ZMAT3: variants seen among roughly 807,000 people sequenced by gnomAD.
The protein encoded by ZMAT3 is zinc finger matrin-type protein 3.
Under a neutral mutation model 32.3 loss-of-function variants are expected in ZMAT3, and 17 were observed. That is an observed-to-expected ratio of 0.53 (90% CI 0.36 to 0.79). The LOEUF (loss-of-function observed/expected upper bound fraction) is 0.79, where lower values mean the gene tolerates loss of function less well. Among genes scored for constraint, ZMAT3 ranks in the 30% least tolerant of loss-of-function variants. ZMAT3 has a pLI of 0.00. For missense variants in ZMAT3, 329 were observed against 359.7 expected (o/e 0.91, Z 0.69); for synonymous variants, 120 against 133.1 (o/e 0.90, Z 0.68).
In ZMAT3 at chr3:179,023,237, A is replaced by C. The variant is rs1718644235; in HGVS notation, c.*1780T>G. On this transcript the variant is annotated 3_prime_UTR_variant, in exon 6 of 6. Coordinates refer to ENST00000311417, the MANE Select transcript of ZMAT3 (RefSeq NM_022470.4). ...AGTGCAGTGGCACGATTCTTGGCTG[A>C]CTGCAACCTCCACCTCCTGGGTTCA... is the stretch of plus-strand genomic sequence containing the variant. 1.3e-5 allele frequency: 2 copies of C among 150,684 alleles called. No homozygotes were observed. The highest frequency in any genetic ancestry group is 2.9e-5 in the Non-Finnish European group (2 of 67,812). 9.3% of individuals were successfully genotyped at this position (150,684 alleles called of 1,614,324 possible).
At chr3:179,066,287 G>A (rs1417240903) in intron 2 of ZMAT3, among the ~76,000 whole-genome samples, 1 of 152,112 alleles carries the variant, frequency 6.6e-6, no homozygotes, top group Non-Finnish European at 1.5e-5. Flanking sequence ...CATGTCAAGA[G>A]CTGCGAGATA....
intron 2 of ZMAT3, among the ~76,000 whole-genome samples, chr3:179,039,078 C>A (rs138079657): frequency 1.4e-4 from 22 of 152,336 alleles, no homozygotes; most frequent in African/African-American, 4.3e-4. Flanking sequence ...TGGGCAGAGC[C>A]CACCACAGCT....
At position 179,022,020 on chromosome 3, in the gene ZMAT3, T is replaced by C. The variant is rs956519790; in HGVS notation, c.*2997A>G. 1 of 152,220 alleles carries C rather than the reference T, an allele frequency of 6.6e-6. No individual in the cohort carries two copies. Among genetic ancestry groups the C allele is most frequent in the African/African-American group, 2.4e-5 (1 of 41,466 alleles). 9.4% of individuals were successfully genotyped at this position (152,220 alleles called of 1,614,324 possible). A position where few individuals can be genotyped will look rare whatever the true frequency, so the allele number is the denominator to read the frequency against. ...GAATTTAAGGAGCAAACTGAGTTAT[T>C]GTAGGCAATACGGTACTAAAGTGTC... On this transcript the variant is annotated 3_prime_UTR_variant, in exon 6 of 6. Transcript: ENST00000311417.
At chr3:179,032,344 G>T (rs1719300255) in intron 2 of ZMAT3, among the ~76,000 whole-genome samples, 1 of 151,864 alleles carries the variant, frequency 6.6e-6, no homozygotes, top group Non-Finnish European at 1.5e-5. Context: ...CGTGATCTCG[G>T]CTTGCTACAA....
intron 2 of ZMAT3, among the ~76,000 whole-genome samples, chr3:179,051,340 AC>A (rs1470846706): frequency 5.3e-5 from 8 of 152,002 alleles, no homozygotes; most frequent in Non-Finnish European, 1.0e-4. Flanking sequence ...GCTATACACC[AC>A]TATACACCAA....
chr3:179,069,712 C>A (rs1382150164), intron 1 of ZMAT3, among the ~76,000 whole-genome samples: 2 of 151,950 alleles, frequency 1.3e-5, no homozygotes, highest in Admixed American at 6.6e-5. Context: ...AGGAAATCAG[C>A]GTGATGGGAA....
At chr3:179,038,053 G>A (rs140211927) in intron 2 of ZMAT3, among the ~76,000 whole-genome samples, 17 of 152,194 alleles carry the variant, frequency 1.1e-4, no homozygotes, top group African/African-American at 4.1e-4. Flanking sequence ...GAGTGGGGTG[G>A]GCCGACAAGG....
At chr3:179,034,878 C>G (rs772096176) in intron 2 of ZMAT3, among the ~76,000 whole-genome samples, 17 of 152,322 alleles carry the variant, frequency 1.1e-4, no homozygotes, top group Non-Finnish European at 2.5e-4. Context: ...CATCCCACAT[C>G]ACTCCACTTC....
chr3:179,050,908 C>G (rs1242670835), intron 2 of ZMAT3, among the ~76,000 whole-genome samples: 1 of 152,156 alleles, frequency 6.6e-6, no homozygotes, highest in South Asian at 2.1e-4. Context: ...TCAATAGACA[C>G]AGAAAAAGCA....
In ZMAT3 at chr3:179,023,702, A is replaced by T. The variant is rs1718676106; in HGVS notation, c.*1315T>A. On this transcript the variant is annotated 3_prime_UTR_variant, in exon 6 of 6. Transcript: ENST00000311417. ...AAACTGCTGGAAAATATATCTATAT[A>T]TATATATATTTTTTTTTTTTTTTTT... The T allele has an allele frequency of 1.4e-4, 2 of 13,802 alleles. No individual in the cohort carries two copies. The highest frequency in any genetic ancestry group is 2.3e-4 in the Non-Finnish European group (2 of 8,608). The allele number at this position is 13,802 out of a possible 1,614,324, so 0.9% of individuals were successfully genotyped here.
chr3:179,060,116 G>C (rs1355175086), intron 2 of ZMAT3, among the ~76,000 whole-genome samples: 1 of 151,580 alleles, frequency 6.6e-6, no homozygotes, highest in Admixed American at 6.6e-5. Flanking sequence ...GGGAGCTCTT[G>C]TTTTCACTCT....
intron 2 of ZMAT3, among the ~76,000 whole-genome samples, chr3:179,042,576 A>C (rs1477301881): frequency 6.6e-6 from 1 of 152,210 alleles, no homozygotes; most frequent in Non-Finnish European, 1.5e-5. Context: ...ACGTATCTCA[A>C]AATAATAAGA....
intron 2 of ZMAT3, among the ~76,000 whole-genome samples, chr3:179,035,858 C>A (rs1196851446): frequency 6.6e-6 from 1 of 152,200 alleles, no homozygotes; most frequent in Non-Finnish European, 1.5e-5. Flanking sequence ...AAGGGGGCAA[C>A]TGACTCATCT....
intron 2 of ZMAT3, among the ~76,000 whole-genome samples, chr3:179,045,713 A>T (rs1720196378): frequency 6.6e-6 from 1 of 152,216 alleles, no homozygotes; most frequent in Admixed American, 6.5e-5. Flanking sequence ...TTGGGAAGAG[A>T]TACATGGGGA....
At chr3:179,038,302 C>G (rs1208893103) in intron 2 of ZMAT3, among the ~76,000 whole-genome samples, 1 of 152,158 alleles carries the variant, frequency 6.6e-6, no homozygotes, top group African/African-American at 2.4e-5. Context: ...GAACTAGGGC[C>G]AGGCACAGTG....
Position 179,025,138 on chromosome 3 carries a change from A to G in ZMAT3, c.749T>C (p.Met250Thr). The G allele has an allele frequency of 6.2e-7, 1 of 1,614,202 alleles. No individual in the cohort carries two copies. Among genetic ancestry groups the G allele is most frequent in the South Asian group, 1.1e-5 (1 of 91,080 alleles). The change falls in exon 6 of 6, where the codon ATG becomes ACG. Residue 250 changes from methionine to threonine, a missense_variant. Coordinates refer to ENST00000311417, the MANE Select transcript of ZMAT3 (RefSeq NM_022470.4). The stretch of plus-strand genomic sequence containing the variant: ...CTCTTCGCCAGCTCCAACATTACAC[A>G]TTGAGCAGTAAAACTGGCCACTTGG... ...VTPSGQFYCS[M>T]CNVGAGEEME...
At chr3:179,069,367 A>T (rs1043529274) in intron 1 of ZMAT3, among the ~76,000 whole-genome samples, 11 of 152,106 alleles carry the variant, frequency 7.2e-5, no homozygotes, top group Non-Finnish European at 1.3e-4. Context: ...TCTAACCCTG[A>T]GTGTCTCAAA....
At chr3:179,040,541 T>C (rs1032306008) in intron 2 of ZMAT3, among the ~76,000 whole-genome samples, 1 of 152,040 alleles carries the variant, frequency 6.6e-6, no homozygotes, top group Non-Finnish European at 1.5e-5. Flanking sequence ...CTGAGAGATT[T>C]TGTCACCACC....
Position 179,022,519 on chromosome 3 carries a change from T to C in ZMAT3, c.*2498A>G, listed in dbSNP as rs558870659. 1 of 151,962 alleles carries C rather than the reference T, an allele frequency of 6.6e-6. No homozygotes were observed. Among genetic ancestry groups the C allele is most frequent in the Admixed American group, 6.6e-5 (1 of 15,264 alleles). The allele number at this position is 151,962 out of a possible 1,614,324, so 9.4% of individuals were successfully genotyped here. The stretch of plus-strand genomic sequence containing the variant: ...GAACCAAGCGGCCAGCACTATAATG[T>C]TAAAATTAACCAAAAAATTATATTT... On this transcript the variant is annotated 3_prime_UTR_variant, in exon 6 of 6. Coordinates refer to ENST00000311417, the MANE Select transcript of ZMAT3 (RefSeq NM_022470.4).
Sources: gnomAD v4.1 joint callset for allele counts (sites outside exome capture counted in the v4.1 genomes callset) on GRCh38, gnomAD v4.1.1 for gene constraint, MANE v1.5 for transcripts, NCBI Gene and HGNC (gene_info 2026-07-23, HGNC 2026-07-21) for gene names.